The following MAP4K3 variants were observed in gnomAD, a reference collection of about 807,000 sequenced individuals.
The protein encoded by MAP4K3 is mitogen-activated protein kinase kinase kinase kinase 3.
Under a neutral mutation model 143.5 loss-of-function variants are expected in MAP4K3, and 94 were observed. The observed-to-expected ratio is 0.65, with a 90% CI of 0.55 to 0.78. The LOEUF (loss-of-function observed/expected upper bound fraction) is 0.78, where lower values mean the gene tolerates loss of function less well. Ranked by LOEUF, MAP4K3 falls within the 30% of genes least tolerant of loss-of-function variation. The pLI is 0.00. For missense variants in MAP4K3, 1,077 were observed against 1,068.1 expected, an observed-to-expected ratio of 1.01 and a Z score of -0.12; for synonymous variants, 416 against 347.2, an observed-to-expected ratio of 1.20 and a Z score of -2.20.
intron 21 of MAP4K3, among the ~76,000 whole-genome samples, chr2:39,284,093 AT>A (rs1482795466): frequency 3.9e-5 from 6 of 152,064 alleles, no homozygotes; most frequent in Admixed American, 1.3e-4. Flanking sequence ...AATAATATAT[AT>A]TTTTTCTTAT....
intron 4 of MAP4K3, among the ~76,000 whole-genome samples, chr2:39,338,160 G>C (rs371002004): frequency 6.6e-6 from 1 of 152,074 alleles, no homozygotes; most frequent in Non-Finnish European, 1.5e-5. Context: ...AATATTTATG[G>C]AATGAATGAA....
At chr2:39,309,707 T>G (rs1682877322) in intron 13 of MAP4K3, among the ~76,000 whole-genome samples, 188 bp from the exon 14 acceptor site, 1 of 151,254 alleles carries the variant, frequency 6.6e-6, no homozygotes, top group African/African-American at 2.4e-5. Flanking sequence ...ACAGGCGCCC[T>G]CCACCACGCC....
chr2:39,418,646 G>C (rs1432395901), intron 1 of MAP4K3, among the ~76,000 whole-genome samples: 1 of 151,714 alleles, frequency 6.6e-6, no homozygotes, highest in Non-Finnish European at 1.5e-5. Context: ...GGTGATCAAA[G>C]TTAATATTGC....
At chr2:39,307,906 A>G in intron 15 of MAP4K3, 37 bp downstream of exon 15, 6 of 1,465,130 alleles carry the variant, frequency 4.1e-6, no homozygotes, top group Non-Finnish European at 5.5e-6. Context: ...TAAGACTAAA[A>G]CAATGCTGAC....
intron 1 of MAP4K3, among the ~76,000 whole-genome samples, chr2:39,424,047 G>C (rs945239936): frequency 1.3e-5 from 2 of 152,000 alleles, no homozygotes; most frequent in Admixed American, 6.6e-5. Flanking sequence ...AGGTTCAAGC[G>C]ATTCTCCTGC....
chr2:39,306,511 G>A (rs1682711896), intron 15 of MAP4K3, among the ~76,000 whole-genome samples: 1 of 152,122 alleles, frequency 6.6e-6, no homozygotes, highest in Non-Finnish European at 1.5e-5. Context: ...GTTAAACATA[G>A]GCATCATCCA....
intron 2 of MAP4K3, among the ~76,000 whole-genome samples, chr2:39,360,388 T>A (rs1268365947): frequency 6.6e-6 from 1 of 152,192 alleles, no homozygotes; most frequent in South Asian, 2.1e-4. Flanking sequence ...TGTTCCCACA[T>A]CTTTCTGTCT....
At chr2:39,287,971 G>GT in intron 20 of MAP4K3, 150 bp downstream of exon 20, 1 of 870,840 alleles carries the variant, frequency 1.1e-6, no homozygotes. Context: ...CTTTAAGCTA[G>GT]TAGGCAAAAA....
chr2:39,274,036 G>A lies in MAP4K3; in HGVS notation c.1795-1494C>T, dbSNP rs571933487. Among the ~76,000 whole-genome samples, 50 of 152,148 alleles carry A rather than the reference G, an allele frequency of 3.3e-4. No individual in the cohort carries two copies. In the Middle Eastern group the frequency reaches 0.014, roughly 41 times the overall value. On this transcript the variant is annotated intron_variant, in intron 24 of 33. Transcript: ENST00000263881. ...AAAAAGTATCTGATACTACATCGATGGTTTACTATAAAATTATATACTTCC... is the reference window on the plus strand; with the variant it reads ...AAAAAGTATCTGATACTACATCGATAGTTTACTATAAAATTATATACTTCC...
chr2:39,387,256 T>TAA (rs111281098), intron 1 of MAP4K3, among the ~76,000 whole-genome samples: 1 of 149,410 alleles, frequency 6.7e-6, no homozygotes, highest in East Asian at 1.9e-4. Flanking sequence ...CTTGTCTGTT[T>TAA]AAAAAAAAAA....
intron 2 of MAP4K3, among the ~76,000 whole-genome samples, chr2:39,377,740 A>C (rs887391431): frequency 1.7e-4 from 26 of 152,202 alleles, no homozygotes; most frequent in Non-Finnish European, 3.5e-4. Flanking sequence ...TTTCCACTAC[A>C]TCACACTGAC....
At position 39,260,669 on chromosome 2, in the gene MAP4K3, TG is replaced by T; in HGVS notation, c.2244del (p.Phe748LeufsTer32). The T allele has an allele frequency of 1.2e-6, 2 of 1,614,114 alleles. No individual in the cohort carries two copies. Among genetic ancestry groups the T allele is most frequent in the Non-Finnish European group, 1.7e-6 (2 of 1,179,968 alleles). On this transcript the variant is annotated frameshift_variant, in exon 29 of 34. Transcript: ENST00000263881. LOFTEE classifies it high-confidence loss of function. The stretch of plus-strand genomic sequence containing the variant: ...ACCGTCTCAAATCGAACCACTTGGT[TG>T]AAGTCTCTACCTCTACTGACACCAA... ...VCVGVSRGRD[F>X]NQVVRFETVN... is the part of the protein sequence containing the mutation.
chr2:39,346,697 A>G (rs1443288900), intron 3 of MAP4K3, among the ~76,000 whole-genome samples: 1 of 152,210 alleles, frequency 6.6e-6, no homozygotes, highest in Non-Finnish European at 1.5e-5. Context: ...AGAAGCAGCA[A>G]TTGTAAGAAC....
At chr2:39,418,441 C>T (rs941479668) in intron 1 of MAP4K3, among the ~76,000 whole-genome samples, 2 of 152,106 alleles carry the variant, frequency 1.3e-5, no homozygotes, top group African/African-American at 2.4e-5. Context: ...AAGTAATTTA[C>T]GAAGCTACTC....
chr2:39,363,497 G>A, intron 2 of MAP4K3, among the ~76,000 whole-genome samples: 1 of 151,990 alleles, frequency 6.6e-6, no homozygotes, highest in Non-Finnish European at 1.5e-5. Flanking sequence ...GCAAAGCCCA[G>A]ACTCCACTAA....
intron 22 of MAP4K3, 114 bp downstream of exon 22, chr2:39,282,398 GA>G (rs1266601033): frequency 9.5e-6 from 8 of 837,842 alleles, no homozygotes; most frequent in Admixed American, 7.1e-5. Context: ...CAATCTTATA[GA>G]TTTTTTTTCA....
At chr2:39,413,464 T>TCC (rs1487975905) in intron 1 of MAP4K3, among the ~76,000 whole-genome samples, 2 of 152,090 alleles carry the variant, frequency 1.3e-5, no homozygotes, top group African/African-American at 4.8e-5. Flanking sequence ...AGTGGTCAGA[T>TCC]ACTGGTATTG....
chr2:39,290,313 A>C lies in MAP4K3; in HGVS notation c.1293T>G (p.Ile431Met). 6.2e-7 allele frequency: 1 copy of C among 1,608,122 alleles called. No individual in the cohort carries two copies. The highest frequency in any genetic ancestry group is 8.5e-7 in the Non-Finnish European group (1 of 1,177,596). ...ESKHSTLKAKIPPPLPPKPKS... is the reference protein window; with the variant it reads ...ESKHSTLKAKMPPPLPPKPKS... ...CTACCTTTGGTGGCAAAGGAGGTGG[A>C]ATTTTTGCTTTCAGAGTTGAGCTAA... Residue 431 changes from isoleucine (I) to methionine (M), a missense_variant, in exon 19 of 34, where the codon ATT (isoleucine) becomes ATG (methionine). By Grantham distance (10) the Ile-to-Met change is conservative. Coordinates refer to ENST00000263881, the MANE Select transcript of MAP4K3 (RefSeq NM_003618.4).
At chr2:39,262,106 A>G (rs1322130494) in intron 28 of MAP4K3, among the ~76,000 whole-genome samples, 2 of 151,782 alleles carry the variant, frequency 1.3e-5, no homozygotes, top group Non-Finnish European at 2.9e-5. Context: ...GTATTTTCCA[A>G]ATGGTTATTG....
Sources: allele counts gnomAD v4.1 joint callset (sites outside exome capture counted in the v4.1 genomes callset), GRCh38; gene constraint gnomAD v4.1.1; transcripts MANE v1.5; gene names NCBI Gene and HGNC (gene_info 2026-07-23, HGNC 2026-07-21).